STON1: variants seen among roughly 807,000 people sequenced by gnomAD.
The protein encoded by STON1 is stonin-1.
A neutral mutation model predicts 60.9 loss-of-function variants in STON1; 79 were observed. The observed-to-expected ratio is 1.30, with a 90% confidence interval of 1.08 to 1.56. STON1 has a LOEUF of 1.56. Among genes scored for constraint, STON1 ranks in the 40% most tolerant of loss-of-function variants. The pLI, the probability that STON1 is intolerant of heterozygous loss-of-function variation, is 0.00. For synonymous variants in STON1, 363 were observed against 306.9 expected, an observed-to-expected ratio of 1.18 and a Z score of -1.91; for missense variants, 1,166 against 858.9, an observed-to-expected ratio of 1.36 and a Z score of -4.47.
chr2:48,556,289 C>CA (rs1672352068), intron 1 of STON1, among the ~76,000 whole-genome samples: 1 of 12,718 alleles, frequency 7.9e-5, no homozygotes, highest in African/African-American at 3.0e-4. Flanking sequence ...CCAGTAGGGG[C>CA]GGCCGGGCAG....
chr2:48,532,932 A>C (rs1219501604), intron 1 of STON1, among the ~76,000 whole-genome samples: 1 of 152,174 alleles, frequency 6.6e-6, no homozygotes, highest in African/African-American at 2.4e-5. Context: ...AAATAAATAA[A>C]AAAGGAAAAG....
intron 1 of STON1, among the ~76,000 whole-genome samples, chr2:48,534,187 G>C (rs142334687): frequency 0.011 from 1,692 of 152,282 alleles, 24 homozygotes; most frequent in Non-Finnish European, 0.013. Context: ...GAGTATAGCT[G>C]TTTTTAAATT....
At chr2:48,579,111 T>G (rs1028707554) in intron 1 of STON1, among the ~76,000 whole-genome samples, 1 of 151,776 alleles carries the variant, frequency 6.6e-6, no homozygotes, top group African/African-American at 2.4e-5. Context: ...TCAAGCGATT[T>G]TCCTGCCTCA....
intron 1 of STON1, among the ~76,000 whole-genome samples, chr2:48,543,596 A>T (rs1335854350): frequency 7.9e-6 from 1 of 126,950 alleles, no homozygotes; most frequent in African/African-American, 3.1e-5. Flanking sequence ...CAGTGGTGGG[A>T]TCTCGGCTCA....
chr2:48,566,570 A>C (rs1672954177), intron 1 of STON1, among the ~76,000 whole-genome samples: 1 of 152,326 alleles, frequency 6.6e-6, no homozygotes, highest in Non-Finnish European at 1.5e-5. Context: ...GGCGTGAGCC[A>C]CCGCACCCGA....
In STON1 at chr2:48,581,133, G is replaced by T. The variant is rs768120126; in HGVS notation, c.500G>T (p.Ser167Ile). Residue 167 changes from serine (S) to isoleucine (I), a missense_variant, in exon 2 of 4, where the codon AGT becomes ATT. Physicochemically the swap from Ser to Ile is moderately radical, Grantham distance 142 (BLOSUM62 -2). Transcript: ENST00000404752. ...PQQAESLGFQ[S>I]DDLPQFQYFR... Reference sequence around the variant, plus strand: ...CAGGCTGAAAGCCTAGGATTCCAAAGTGATGATCTCCCCCAGTTTCAGTAT... The same window carrying T: ...CAGGCTGAAAGCCTAGGATTCCAAATTGATGATCTCCCCCAGTTTCAGTAT... 1 of 1,583,508 alleles carries T rather than the reference G, an allele frequency of 6.3e-7. No homozygotes were observed. The highest frequency in any genetic ancestry group is 8.5e-7 in the Non-Finnish European group (1 of 1,170,130).
At chr2:48,534,983 C>T (rs910734217) in intron 1 of STON1, among the ~76,000 whole-genome samples, 6 of 152,166 alleles carry the variant, frequency 3.9e-5, no homozygotes, top group Non-Finnish European at 4.4e-5. Context: ...ATGGAGGCTT[C>T]CTGGCCAGCC....
intron 1 of STON1, among the ~76,000 whole-genome samples, chr2:48,563,515 C>G (rs563097835): frequency 6.6e-6 from 1 of 152,178 alleles, no homozygotes; most frequent in African/African-American, 2.4e-5. Flanking sequence ...CTGCTATAGG[C>G]ACAGAGCCAG....
Position 48,539,008 on chromosome 2 carries a change from C to T in STON1, c.-48+8792C>T, listed in dbSNP as rs141371633. Among the ~76,000 whole-genome samples the T allele has an allele frequency of 5.6e-3, 846 of 152,152 alleles. 4 individuals are homozygous for T. The highest frequency in any genetic ancestry group is 8.5e-3 in the Non-Finnish European group (578 of 68,004). ...TCATAGCTCACTGCAGCCTCAAACT[C>T]CTGGGCTCAAGCTATCCTCTTGCCT... On this transcript the variant is annotated intron_variant, in intron 1 of 3. Coordinates refer to ENST00000404752, the MANE Select transcript of STON1 (RefSeq NM_006873.4).
intron 1 of STON1, among the ~76,000 whole-genome samples, chr2:48,564,405 G>GTCTTCTTCTTCTTCTTCTTCTTCTTCT (rs1241898892): frequency 3.6e-5 from 3 of 82,940 alleles, no homozygotes; most frequent in South Asian, 5.0e-4. Flanking sequence ...CAGTGGCGGT[G>GTCTTCTTCTTCTTCTTCTTCTTCTTCT]TCTTCTTCTT....
Position 48,564,480 on chromosome 2 carries a change from T to TTCTTCTTTCTTCTTCTTC in STON1, c.-47-16106_-47-16105insCTTCTTTCTTCTTCTTCT, listed in dbSNP as rs1558604783. Among the ~76,000 whole-genome samples, 3 of 32,480 alleles carry TTCTTCTTTCTTCTTCTTC rather than the reference T, an allele frequency of 9.2e-5. 1 individual carries two copies. 21.3% of individuals were successfully genotyped at this position (32,480 alleles called of 152,430 possible). ...CTTCTTCTTCTTCTTCTTCTTCTTC[T>TTCTTCTTTCTTCTTCTTC]TTCTTCTTCTTCTTCTTCTTCTTCT... is the stretch of plus-strand genomic sequence containing the variant. On this transcript the variant is annotated intron_variant, in intron 1 of 3. Coordinates refer to ENST00000404752, the MANE Select transcript of STON1 (RefSeq NM_006873.4).
intron 1 of STON1, among the ~76,000 whole-genome samples, chr2:48,557,891 C>A (rs1359068459): frequency 2.6e-5 from 4 of 152,198 alleles, no homozygotes; most frequent in Non-Finnish European, 4.4e-5. Context: ...TAATGCCAAT[C>A]TTTTATAACT....
At chr2:48,567,367 T>C (rs1672991161) in intron 1 of STON1, among the ~76,000 whole-genome samples, 10 of 152,238 alleles carry the variant, frequency 6.6e-5, no homozygotes, top group Admixed American at 5.9e-4. Context: ...AACTTTCGCT[T>C]TCCCCTTTAG....
chr2:48,579,438 C>G (rs1361409249), intron 1 of STON1, among the ~76,000 whole-genome samples: 1 of 152,084 alleles, frequency 6.6e-6, no homozygotes, highest in African/African-American at 2.4e-5. Context: ...TCATTTGTCT[C>G]AAGATATTTT....
In STON1 at chr2:48,594,103, C is replaced by T. The variant is rs148223917; in HGVS notation, c.2134-1125C>T. Among the ~76,000 whole-genome samples, 5 of 152,308 alleles carry T rather than the reference C, an allele frequency of 3.3e-5. 1 individual carries two copies. Among genetic ancestry groups the T allele is most frequent in the African/African-American group, 1.2e-4 (5 of 41,558 alleles). ...CTACATTGCATCCCAGCTTCTCTCT[C>T]TGCCCATTTAGCTTCATTTCCTGCC... On this transcript the variant is annotated intron_variant, in intron 3 of 3. Transcript: ENST00000404752.
chr2:48,548,019 C>A (rs905583638), intron 1 of STON1, among the ~76,000 whole-genome samples: 18 of 152,362 alleles, frequency 1.2e-4, no homozygotes, highest in African/African-American at 4.1e-4. Context: ...CATAGCCCTT[C>A]CTTTTGTGAA....
intron 1 of STON1, among the ~76,000 whole-genome samples, chr2:48,551,152 C>T (rs997530785): frequency 2.0e-5 from 3 of 152,154 alleles, no homozygotes; most frequent in Non-Finnish European, 4.4e-5. Context: ...CTGGAATTAA[C>T]ATCTATGCTC....
chr2:48,561,035 C>T (rs1477144121), intron 1 of STON1, among the ~76,000 whole-genome samples: 2 of 152,196 alleles, frequency 1.3e-5, no homozygotes, highest in African/African-American at 2.4e-5. Context: ...CTTTTCATTT[C>T]CTCCTCTTGT....
At chr2:48,584,752 TGTTGTAAA>T (rs1674106075) in intron 2 of STON1, among the ~76,000 whole-genome samples, 1 of 152,030 alleles carries the variant, frequency 6.6e-6, no homozygotes, top group South Asian at 2.1e-4. Flanking sequence ...GCTCTCCAGG[TGTTGTAAA>T]GTTGTAGAAC....
Sources: gnomAD v4.1 joint callset for allele counts (sites outside exome capture counted in the v4.1 genomes callset) on GRCh38, gnomAD v4.1.1 for gene constraint, MANE v1.5 for transcripts, NCBI Gene and HGNC (gene_info 2026-07-23, HGNC 2026-07-21) for gene names.